The following DIDO1 variants were observed in gnomAD, a reference collection of about 807,000 sequenced individuals.
The protein encoded by DIDO1 is death-inducer obliterator 1.
In DIDO1, 16 loss-of-function variants were observed where a neutral mutation model predicts 99.4. That is an observed-to-expected ratio of 0.16 (90% CI 0.11 to 0.24). DIDO1 has a LOEUF of 0.24. Ranked by LOEUF, DIDO1 falls within the 10% of genes least tolerant of loss-of-function variation. DIDO1 has a pLI of 1.00. For missense variants in DIDO1, 2,996 were observed against 3,014.0 expected, an observed-to-expected ratio of 0.99 and a Z score of 0.14; for synonymous variants, 1,366 against 1,239.1, an observed-to-expected ratio of 1.10 and a Z score of -2.15.
Position 62,925,983 on chromosome 20 carries a change from A to G in DIDO1, c.-200+456T>C, listed in dbSNP as rs2065244799. ...AAGCCGGCCACCCCGACCGCACCCAAGGCCCGGGAGGAAGCGCCGAGGTCC... is the reference window on the plus strand; with the variant it reads ...AAGCCGGCCACCCCGACCGCACCCAGGGCCCGGGAGGAAGCGCCGAGGTCC... On this transcript the variant is annotated intron_variant, in intron 1 of 15. Transcript: ENST00000395343. Among the ~76,000 whole-genome samples, 3 of 151,966 alleles carry G rather than the reference A, an allele frequency of 2.0e-5. No homozygotes were observed. In the East Asian group the frequency reaches 5.8e-4, roughly 29 times the overall value.
At chr20:62,891,378 G>A (rs970009449) in intron 14 of DIDO1, among the ~76,000 whole-genome samples, 13 of 152,174 alleles carry the variant, frequency 8.5e-5, no homozygotes, top group African/African-American at 3.1e-4. Context: ...CCCCGGTCAC[G>A]AGGAACCAGC....
At chr20:62,917,542 T>C (rs1052177723) in intron 1 of DIDO1, among the ~76,000 whole-genome samples, 3 of 152,344 alleles carry the variant, frequency 2.0e-5, no homozygotes, top group Admixed American at 6.5e-5. Flanking sequence ...GTCCTCCGTC[T>C]GTTGTTCTGT....
chr20:62,896,487 G>A lies in DIDO1; in HGVS notation c.2054+44C>T, dbSNP rs752244481. 6.3e-7 allele frequency: 1 copy of A among 1,581,276 alleles called. No homozygotes were observed. The highest frequency in any genetic ancestry group is 2.0e-5 in the Admixed American group (1 of 50,996). On this transcript the variant is annotated intron_variant, in intron 7 of 15. Coordinates refer to ENST00000395343, the MANE Select transcript of DIDO1 (RefSeq NM_001193369.2). This position sits in a 1 kb window ranked among gnomAD's most constrained non-coding sequence, Gnocchi z 4.4. The stretch of plus-strand genomic sequence containing the variant: ...ATCCTGCAGCCACACTCTAATGAAA[G>A]CCCTTCCATTTTAATGGGTAAGAAA...
rs776249233 is a variant in DIDO1, at chr20:62,879,275, C to T, written c.6681G>A (p.Glu2227=). 2.5e-6 allele frequency: 4 copies of T among 1,573,588 alleles called. No individual in the cohort carries two copies. The highest frequency in any genetic ancestry group is 3.4e-6 in the Non-Finnish European group (4 of 1,163,192). Residue 2227 remains glutamate (E), a synonymous_variant, in exon 16 of 16, where the codon GAG becomes GAA. Transcript: ENST00000395343. The surrounding 1 kb of genome is among the most constrained non-coding windows in gnomAD (Gnocchi z 6.3). ...SKESARDPKP[E]ASRASDAGTA... ...TGCCAGCGTCGGAGGCCCTCGAGGC[C>T]TCGGGCTTCGGGTCCCGAGCGCTCT... is the stretch of plus-strand genomic sequence containing the variant.
intron 13 of DIDO1, 67 bp downstream of exon 13, chr20:62,892,742 G>C: frequency 6.5e-7 from 1 of 1,534,276 alleles, no homozygotes. Flanking sequence ...AAAGTCATGT[G>C]TTTGACTCTA....
In DIDO1 at chr20:62,895,883, G is replaced by A. The variant is rs372532281; in HGVS notation, c.2214+350C>T. ...AAAAGGCTGTCTGAGGCCGGAATAC[G>A]GACACCCTCATACACTGGGATGAAG... On this transcript the variant is annotated intron_variant, in intron 8 of 15. Coordinates refer to ENST00000395343, the MANE Select transcript of DIDO1 (RefSeq NM_001193369.2). 3.3e-5 allele frequency among the ~76,000 whole-genome samples: 5 copies of A among 152,324 alleles called. No homozygotes were observed. In the East Asian group the frequency reaches 7.7e-4, roughly 24 times the overall value.
intron 15 of DIDO1, chr20:62,890,298 G>C: frequency 1.0e-6 from 1 of 986,042 alleles, no homozygotes; most frequent in Non-Finnish European, 1.2e-6. Context: ...CTTCTAAGGG[G>C]CTATGAAAGA....
chr20:62,933,654 G>C (rs67165375), intron 1 of DIDO1, among the ~76,000 whole-genome samples: 31,980 of 152,170 alleles, frequency 0.21, 3,573 homozygotes, highest in East Asian at 0.33. Context: ...AAGACTGCTT[G>C]CACGCAGAAG....
chr20:62,913,925 A>C (rs1345449477), intron 2 of DIDO1, among the ~76,000 whole-genome samples: 1 of 152,250 alleles, frequency 6.6e-6, no homozygotes, highest in Non-Finnish European at 1.5e-5. Context: ...TACATCATAG[A>C]AACAGTTGCT....
chr20:62,880,651 G>T lies in DIDO1; in HGVS notation c.5305C>A (p.Pro1769Thr). ...HALGMSGLHG[P>T]NFPGPRGPAP... ...GGCCCCCTTGGTCCCGGGAAATTGGGGCCGTGAAGCCCTGACATCCCCAAA... is the reference window on the plus strand; with the variant it reads ...GGCCCCCTTGGTCCCGGGAAATTGGTGCCGTGAAGCCCTGACATCCCCAAA... Residue 1769 changes from proline (P) to threonine (T), a missense_variant, in exon 16 of 16, where the codon CCC becomes ACC. This residue lies in a region of DIDO1 where 1,562 missense variants were observed against 1,412.6 expected (regional missense o/e 1.11). Transcript: ENST00000395343. 6.2e-7 allele frequency: 1 copy of T among 1,612,860 alleles called. No individual in the cohort carries two copies. The highest frequency in any genetic ancestry group is 1.1e-5 in the South Asian group (1 of 91,088).
rs745447060 is a variant in DIDO1, at chr20:62,880,251, C to A, written c.5705G>T (p.Gly1902Val). 3 of 1,612,596 alleles carry A rather than the reference C, an allele frequency of 1.9e-6. No homozygotes were observed. Among genetic ancestry groups the A allele is most frequent in the Non-Finnish European group, 2.5e-6 (3 of 1,179,918 alleles). Residue 1902 changes from glycine (G) to valine (V), a missense_variant, in exon 16 of 16, where the codon GGC (glycine) becomes GTC (valine). Coordinates refer to ENST00000395343, the MANE Select transcript of DIDO1 (RefSeq NM_001193369.2). Reference sequence around the variant, plus strand: ...AGAGGGAGGGGGGCCGCCTCGGGGGCCTTTCAGCTGAGACAGCAGTGGCCT... The same window carrying A: ...AGAGGGAGGGGGGCCGCCTCGGGGGACTTTCAGCTGAGACAGCAGTGGCCT... ...QRRPLLSQLKGPRGGPPPSQF... is the reference protein window; with the variant it reads ...QRRPLLSQLKVPRGGPPPSQF...
In DIDO1 at chr20:62,880,439, T is replaced by C. The variant is rs2064180180; in HGVS notation, c.5517A>G (p.Pro1839=). 1.2e-6 allele frequency: 2 copies of C among 1,612,854 alleles called. No individual in the cohort carries two copies. The highest frequency in any genetic ancestry group is 1.7e-6 in the Non-Finnish European group (2 of 1,180,002). Residue 1839 remains proline (P), a synonymous_variant, in exon 16 of 16, where the codon CCA becomes CCG. Coordinates refer to ENST00000395343, the MANE Select transcript of DIDO1 (RefSeq NM_001193369.2). ...GATCCTTGCGTTCTTCAAATTGGGA[T>C]GGTGCCACTCCTCGTGGTCCACCAA... ...SYLGGPRGVA[P]SQFEERKDPH...
chr20:62,888,753 T>C (rs1415498115), intron 15 of DIDO1: 9 of 985,342 alleles, frequency 9.1e-6, no homozygotes, highest in Non-Finnish European at 1.1e-5. Flanking sequence ...CCAAGTCAAG[T>C]AATCAGTACG....
rs772212184 is a variant in DIDO1, at chr20:62,894,955, C to G, written c.2332-41G>C. 1.4e-5 allele frequency: 22 copies of G among 1,603,466 alleles called. No homozygotes were observed. Among genetic ancestry groups the G allele is most frequent in the African/African-American group, 2.7e-5 (2 of 74,360 alleles). On this transcript the variant is annotated intron_variant, in intron 9 of 15. Coordinates refer to ENST00000395343, the MANE Select transcript of DIDO1 (RefSeq NM_001193369.2). The surrounding 1 kb of genome is among the most constrained non-coding windows in gnomAD (Gnocchi z 4.4). ...CGAAACAGAGCTTAGGCCTTGTTTTCTAGGAGGAAAGCATCGCTTATGCAG... is the reference window on the plus strand; with the variant it reads ...CGAAACAGAGCTTAGGCCTTGTTTTGTAGGAGGAAAGCATCGCTTATGCAG...
intron 6 of DIDO1, among the ~76,000 whole-genome samples, chr20:62,897,332 T>G (rs1347199535): frequency 3.3e-5 from 5 of 152,226 alleles, no homozygotes; most frequent in African/African-American, 1.2e-4. Flanking sequence ...TATCATCACT[T>G]TTTAAAAGGC....
intron 6 of DIDO1, among the ~76,000 whole-genome samples, chr20:62,897,253 C>T (rs1423811451): frequency 6.6e-6 from 1 of 152,202 alleles, no homozygotes; most frequent in African/African-American, 2.4e-5. Context: ...TACCTTCAAC[C>T]AGCAAACTCT....
At chr20:62,910,593 G>A (rs573190507) in intron 3 of DIDO1, among the ~76,000 whole-genome samples, 181 bp downstream of exon 3, 1 of 152,254 alleles carries the variant, frequency 6.6e-6, no homozygotes, top group Non-Finnish European at 1.5e-5. Context: ...GTGGCTACCA[G>A]AGTGGAGAGG....
chr20:62,905,018 AG>A (rs1222065107), intron 6 of DIDO1: 1 of 988,906 alleles, frequency 1.0e-6, no homozygotes, highest in East Asian at 1.1e-4. Context: ...AATTGAAAAT[AG>A]TTTTATAGCA....
At chr20:62,937,404 C>A (rs2065401723) in intron 1 of DIDO1, among the ~76,000 whole-genome samples, 1 of 152,180 alleles carries the variant, frequency 6.6e-6, no homozygotes, top group African/African-American at 2.4e-5. Flanking sequence ...CCCGGCCCTG[C>A]CCCGCGCCGC....
Sources: allele counts gnomAD v4.1 joint callset (sites outside exome capture counted in the v4.1 genomes callset), GRCh38; gene constraint gnomAD v4.1.1; regional missense constraint gnomAD v4.1.1; non-coding constraint Gnocchi (gnomAD v3.1); transcripts MANE v1.5; gene names NCBI Gene and HGNC (gene_info 2026-07-23, HGNC 2026-07-21).